PCDHA11: variants seen among roughly 807,000 people sequenced by gnomAD.
The protein encoded by PCDHA11 is protocadherin alpha 11, also known as protocadherin alpha-11.
PCDHA11 carries 61 observed loss-of-function variants against 70.3 expected under a neutral mutation model. The ratio of observed to expected loss-of-function variants is 0.87; its 90% CI spans 0.71 to 1.07. The LOEUF (loss-of-function observed/expected upper bound fraction) is 1.07. Ranked by LOEUF, PCDHA11 falls within the 50% of genes least tolerant of loss-of-function variation. The pLI is 0.00. For missense variants in PCDHA11, 1,324 were observed against 1,237.5 expected (o/e 1.07, Z -1.05); for synonymous variants, 633 against 555.1 (o/e 1.14, Z -1.97).
intron 1 of PCDHA11, among the ~76,000 whole-genome samples, chr5:140,946,108 T>C (rs782062288): frequency 2.0e-5 from 3 of 151,938 alleles, no homozygotes; most frequent in Non-Finnish European, 4.4e-5. Context: ...ATACCAAATA[T>C]ATAAGGAACT....
rs782052342 is a variant in PCDHA11, at chr5:140,927,029, C to T, written c.2392-51920C>T. On this transcript the variant is annotated intron_variant, in intron 1 of 3. Transcript: ENST00000398640. ...AATCTCTCCGCGGACTTGAGGCTGC[C>T]AGCGGCCGCTATGTCCTCGCGGAAC... 1.9e-6 allele frequency: 3 copies of T among 1,612,358 alleles called. No homozygotes were observed. In the South Asian group the frequency reaches 3.3e-5, roughly 18 times the overall value.
intron 3 of PCDHA11, among the ~76,000 whole-genome samples, chr5:140,995,267 C>A (rs552857413): frequency 6.6e-6 from 1 of 152,074 alleles, no homozygotes; most frequent in Admixed American, 6.5e-5. Context: ...GAATACAAGC[C>A]CTTTGATACC....
At chr5:140,921,726 A>C (rs1278671755) in intron 1 of PCDHA11, among the ~76,000 whole-genome samples, 1 of 152,170 alleles carries the variant, frequency 6.6e-6, no homozygotes, top group East Asian at 1.9e-4. Flanking sequence ...AATTACTCCC[A>C]TAAAAATTAT....
intron 1 of PCDHA11, among the ~76,000 whole-genome samples, chr5:140,923,134 G>A (rs962370475): frequency 3.9e-5 from 6 of 152,106 alleles, no homozygotes; most frequent in African/African-American, 1.2e-4. Flanking sequence ...CACTTTGAAG[G>A]TGGAATATAA....
chr5:140,876,194 C>G (rs782432614), intron 1 of PCDHA11: 38 of 1,613,742 alleles, frequency 2.4e-5, no homozygotes, highest in Non-Finnish European at 2.9e-5. Context: ...AATGGTCCGG[C>G]GTTTGATAAG....
At chr5:140,955,240 G>A (rs2095156409) in intron 1 of PCDHA11, among the ~76,000 whole-genome samples, 1 of 152,102 alleles carries the variant, frequency 6.6e-6, no homozygotes, top group African/African-American at 2.4e-5. Flanking sequence ...TTTTGCTTAG[G>A]ATCGGCTTGG....
chr5:141,000,603 T>C (rs1237883625), intron 3 of PCDHA11, among the ~76,000 whole-genome samples: 1 of 150,986 alleles, frequency 6.6e-6, no homozygotes, highest in Admixed American at 6.6e-5. Flanking sequence ...AATTTTTGTA[T>C]TTTTAGTAGA....
chr5:140,951,833 A>G (rs2094641584), intron 1 of PCDHA11, among the ~76,000 whole-genome samples: 1 of 152,190 alleles, frequency 6.6e-6, no homozygotes, highest in Admixed American at 6.5e-5. Flanking sequence ...TCATTCCAGC[A>G]TTAAGCCAAA....
At chr5:140,994,394 T>G (rs1332946220) in intron 3 of PCDHA11, among the ~76,000 whole-genome samples, 3 of 152,110 alleles carry the variant, frequency 2.0e-5, no homozygotes, top group African/African-American at 7.2e-5. Flanking sequence ...AGTCAGAGAT[T>G]ATTTGACATT....
chr5:140,885,164 T>G (rs2060495549), intron 1 of PCDHA11, among the ~76,000 whole-genome samples: 1 of 151,598 alleles, frequency 6.6e-6, no homozygotes, highest in African/African-American at 2.4e-5. Context: ...TCTCTACTTT[T>G]TTGTCCTCTA....
intron 1 of PCDHA11, among the ~76,000 whole-genome samples, chr5:140,902,026 A>G (rs1554190175): frequency 6.6e-6 from 1 of 152,114 alleles, no homozygotes; most frequent in Non-Finnish European, 1.5e-5. Flanking sequence ...TAGAAATACT[A>G]CTAATTTTTG....
At chr5:140,987,239 G>T (rs1005484275) in intron 3 of PCDHA11, among the ~76,000 whole-genome samples, 6 of 151,586 alleles carry the variant, frequency 4.0e-5, no homozygotes, top group East Asian at 1.9e-4. Flanking sequence ...AATAAATAAA[G>T]AAAGAAAGAC....
intron 1 of PCDHA11, chr5:140,966,848 C>T (rs573027963): frequency 1.3e-6 from 2 of 1,571,846 alleles, no homozygotes; most frequent in East Asian, 2.3e-5. Flanking sequence ...GCTACTGCCT[C>T]TCCTGCTGCT....
Position 140,941,218 on chromosome 5 carries a change from T to C in PCDHA11, c.2392-37731T>C, listed in dbSNP as rs552463058. ...TTCTTTCTTCCTTTCTTTCTTCCTT[T>C]CTTTCTTTCTTTCTTTCTTTCTTTC... On this transcript the variant is annotated intron_variant, in intron 1 of 3. Transcript: ENST00000398640. 5.6e-5 allele frequency among the ~76,000 whole-genome samples: 7 copies of C among 125,730 alleles called. No homozygotes were observed. In the South Asian group the frequency reaches 7.6e-4, roughly 14 times the overall value. 82.5% of individuals were successfully genotyped at this position (125,730 alleles called of 152,430 possible). A position where few individuals can be genotyped will look rare whatever the true frequency, so the allele number is the denominator to read the frequency against.
intron 1 of PCDHA11, among the ~76,000 whole-genome samples, chr5:140,923,204 C>T (rs1175108066): frequency 1.3e-5 from 2 of 151,950 alleles, no homozygotes; most frequent in Non-Finnish European, 2.9e-5. Flanking sequence ...ATTTGGGAGG[C>T]TAAGGTGAAA....
At chr5:140,876,062 G>T in intron 1 of PCDHA11, 1 of 1,613,842 alleles carries the variant, frequency 6.2e-7, no homozygotes, top group Non-Finnish European at 8.5e-7. Context: ...TTAGTTCTTC[G>T]GAAGTTATTG....
intron 3 of PCDHA11, among the ~76,000 whole-genome samples, chr5:140,982,904 T>G (rs1353983952): frequency 1.3e-5 from 2 of 151,900 alleles, no homozygotes; most frequent in African/African-American, 4.8e-5. Context: ...GGTGGCCTTA[T>G]GCACAGAGAT....
chr5:140,901,244 T>C (rs1166862455), intron 1 of PCDHA11, among the ~76,000 whole-genome samples: 3 of 152,212 alleles, frequency 2.0e-5, no homozygotes, highest in Non-Finnish European at 4.4e-5. Context: ...TTTTTTCCTT[T>C]GGTTCCCTGT....
intron 1 of PCDHA11, among the ~76,000 whole-genome samples, chr5:140,923,323 C>T (rs1554201408): frequency 6.6e-6 from 1 of 152,092 alleles, no homozygotes; most frequent in Non-Finnish European, 1.5e-5. Context: ...CCTAGAAGTT[C>T]AAGGACAGTT....
Sources: gnomAD v4.1 joint callset for allele counts (sites outside exome capture counted in the v4.1 genomes callset) on GRCh38, gnomAD v4.1.1 for gene constraint, MANE v1.5 for transcripts, NCBI Gene and HGNC (gene_info 2026-07-23, HGNC 2026-07-21) for gene names.